DSCAM: variants seen among roughly 807,000 people sequenced by gnomAD.
DSCAM encodes the protein DS cell adhesion molecule.
A neutral mutation model predicts 217.7 loss-of-function variants in DSCAM; 47 were observed. That is an observed-to-expected ratio of 0.22 (90% CI 0.17 to 0.28). The LOEUF (loss-of-function observed/expected upper bound fraction) is 0.28, where lower values mean the gene tolerates loss of function less well. DSCAM is among the 10% of genes least tolerant of loss of function. The pLI, the probability that DSCAM is intolerant of heterozygous loss-of-function variation, is 1.00. For missense variants in DSCAM, 2,080 were observed against 2,618.3 expected, an observed-to-expected ratio of 0.79 and a Z score of 4.49; for synonymous variants, 1,056 against 1,015.3, an observed-to-expected ratio of 1.04 and a Z score of -0.76.
chr21:40,636,651 G>C (rs2089763265), intron 3 of DSCAM, among the ~76,000 whole-genome samples: 1 of 151,292 alleles, frequency 6.6e-6, no homozygotes, highest in East Asian at 1.9e-4. Flanking sequence ...AACATACTAT[G>C]CTATATTTTC....
intron 11 of DSCAM, among the ~76,000 whole-genome samples, chr21:40,265,545 G>T (rs749237658): frequency 6.6e-6 from 1 of 151,198 alleles, no homozygotes; most frequent in East Asian, 1.9e-4. Context: ...AAAGAAATCC[G>T]AAGCAAAAAG....
chr21:40,713,910 T>A (rs1241854524), intron 1 of DSCAM, among the ~76,000 whole-genome samples: 3 of 152,164 alleles, frequency 2.0e-5, no homozygotes, highest in African/African-American at 7.2e-5. Context: ...ACCCAAGCTG[T>A]CTCGGGACCT....
chr21:40,554,656 G>GT (rs1268218697), intron 3 of DSCAM, among the ~76,000 whole-genome samples: 1 of 152,146 alleles, frequency 6.6e-6, no homozygotes, highest in African/African-American at 2.4e-5. Context: ...CTCCTATGCT[G>GT]TATTGCACTA....
chr21:40,830,453 G>T (rs1172418393), intron 1 of DSCAM, among the ~76,000 whole-genome samples: 1 of 152,182 alleles, frequency 6.6e-6, no homozygotes, highest in East Asian at 1.9e-4. Flanking sequence ...ATGAGATTTG[G>T]GCAGGGAAAA....
intron 20 of DSCAM, among the ~76,000 whole-genome samples, chr21:40,102,805 C>G (rs754848237): frequency 1.3e-5 from 2 of 152,208 alleles, no homozygotes; most frequent in African/African-American, 4.8e-5. Flanking sequence ...AGAGCCTTCT[C>G]TAGTCCTCTC....
intron 1 of DSCAM, among the ~76,000 whole-genome samples, chr21:40,733,083 T>C (rs2091028850): frequency 6.6e-6 from 1 of 152,220 alleles, no homozygotes; most frequent in Non-Finnish European, 1.5e-5. Context: ...AGGCCCCAGG[T>C]ATGGCAAACT....
At chr21:40,528,752 A>G (rs2076419588) in intron 3 of DSCAM, among the ~76,000 whole-genome samples, 1 of 151,968 alleles carries the variant, frequency 6.6e-6, no homozygotes, top group Non-Finnish European at 1.5e-5. Flanking sequence ...GGCCTCAGTA[A>G]CTCACCTGCT....
chr21:40,243,265 TAATA>T (rs561972121), intron 11 of DSCAM, among the ~76,000 whole-genome samples: 1 of 152,262 alleles, frequency 6.6e-6, no homozygotes, highest in South Asian at 2.1e-4. Context: ...AGGAAAAAAA[TAATA>T]AAGTGATTTT....
At chr21:40,318,559 C>T (rs73227046) in intron 8 of DSCAM, among the ~76,000 whole-genome samples, 6,668 of 152,166 alleles carry the variant, frequency 0.044, 185 homozygotes, top group African/African-American at 0.072. Context: ...ACGGTCCTCG[C>T]GCCAACTCTG....
intron 3 of DSCAM, among the ~76,000 whole-genome samples, chr21:40,371,656 T>G (rs2074900269): frequency 6.6e-6 from 1 of 152,178 alleles, no homozygotes. Flanking sequence ...TAACATTTTT[T>G]TCGTTTACCC....
intron 30 of DSCAM, among the ~76,000 whole-genome samples, chr21:40,047,988 A>G (rs1234643886): frequency 6.6e-6 from 1 of 152,180 alleles, no homozygotes; most frequent in Non-Finnish European, 1.5e-5. Flanking sequence ...TATATGTAGT[A>G]TCTCTACCTA....
chr21:40,796,466 C>T (rs969802705), intron 1 of DSCAM, among the ~76,000 whole-genome samples: 1 of 152,210 alleles, frequency 6.6e-6, no homozygotes, highest in Non-Finnish European at 1.5e-5. Context: ...ACTGGCACTA[C>T]ACAAAGCTTA....
intron 3 of DSCAM, among the ~76,000 whole-genome samples, chr21:40,683,483 G>T (rs2090437803): frequency 6.6e-6 from 1 of 152,178 alleles, no homozygotes. Flanking sequence ...GAGAAAGAAA[G>T]AAGTATGGAA....
intron 6 of DSCAM, among the ~76,000 whole-genome samples, 177 bp from the exon 7 acceptor site, chr21:40,339,592 C>G (rs899566568): frequency 1.3e-5 from 2 of 152,198 alleles, no homozygotes; most frequent in East Asian, 1.9e-4. Context: ...GTTTTCAAAA[C>G]AGGTAAGCAC....
chr21:40,087,131 T>C (rs1373301570), intron 22 of DSCAM, 39 bp downstream of exon 22: 4 of 1,412,710 alleles, frequency 2.8e-6, no homozygotes, highest in Non-Finnish European at 4.0e-6. Flanking sequence ...TGTAATCTCT[T>C]AGAGTCTCAC....
At chr21:40,066,442 G>A (rs1272916380) in intron 27 of DSCAM, among the ~76,000 whole-genome samples, 2 of 152,172 alleles carry the variant, frequency 1.3e-5, no homozygotes, top group East Asian at 1.9e-4. Context: ...CTCCTCATAC[G>A]GAATGATTTC....
chr21:40,380,974 A>C (rs1173493058), intron 3 of DSCAM, among the ~76,000 whole-genome samples: 1 of 146,436 alleles, frequency 6.8e-6, no homozygotes, highest in Non-Finnish European at 1.5e-5. Context: ...GAGGCAGGAG[A>C]ATGGCGGGAA....
intron 3 of DSCAM, among the ~76,000 whole-genome samples, chr21:40,417,283 A>G (rs2075381222): frequency 6.6e-6 from 1 of 152,192 alleles, no homozygotes; most frequent in South Asian, 2.1e-4. Flanking sequence ...CACAATGTGC[A>G]GGTTTGTTAC....
intron 16 of DSCAM, among the ~76,000 whole-genome samples, chr21:40,154,094 G>A (rs2090451437): frequency 6.6e-6 from 1 of 151,892 alleles, no homozygotes; most frequent in Non-Finnish European, 1.5e-5. Flanking sequence ...ATTTTGAGGG[G>A]GCTATGTCAG....
Sources: gnomAD v4.1 joint callset for allele counts (sites outside exome capture counted in the v4.1 genomes callset) on GRCh38, gnomAD v4.1.1 for gene constraint, MANE v1.5 for transcripts, NCBI Gene and HGNC (gene_info 2026-07-23, HGNC 2026-07-21) for gene names.